Variants in RAD51B observed in about 807,000 individuals in gnomAD.
RAD51B encodes RAD51 paralog B.
Under a neutral mutation model 42.2 loss-of-function variants are expected in RAD51B, and 38 were observed. That is an observed-to-expected ratio of 0.90 (90% CI 0.70 to 1.18). The LOEUF (loss-of-function observed/expected upper bound fraction) is 1.18, where lower values mean the gene tolerates loss of function less well. RAD51B is among the 50% of genes most tolerant of loss of function. RAD51B has a pLI of 0.00. For missense variants in RAD51B, 373 were observed against 400.7 expected (o/e 0.93, Z 0.59); for synonymous variants, 154 against 145.2 (o/e 1.06, Z -0.43).
chr14:68,607,778 G>A lies in RAD51B; in HGVS notation c.1037-3228G>A, dbSNP rs548425612. 2.7e-4 allele frequency among the ~76,000 whole-genome samples: 41 copies of A among 152,230 alleles called. No individual in the cohort carries two copies. In the South Asian group the frequency reaches 8.3e-3, roughly 31 times the overall value. The stretch of plus-strand genomic sequence containing the variant: ...CCCGGGGAGGCGCACTCTAAGGAGG[G>A]CCAAAGCCATTCTGCGGGGTGCTGG... On this transcript the variant is annotated intron_variant, in intron 10 of 10. Transcript: ENST00000487861.
At chr14:68,549,865 G>A (rs532737779) in intron 10 of RAD51B, among the ~76,000 whole-genome samples, 171 of 152,306 alleles carry the variant, frequency 1.1e-3, no homozygotes, top group African/African-American at 3.9e-3. Context: ...CAGGAAACTT[G>A]CCATCTACAA....
At position 67,975,654 on chromosome 14, in the gene RAD51B, A is replaced by T. The variant is rs897969723; in HGVS notation, c.756+88450A>T. On this transcript the variant is annotated intron_variant, in intron 7 of 10. Coordinates refer to ENST00000471583, the MANE Select transcript of RAD51B (RefSeq NM_133510.4). ...AGAAAAAGGAAAGTGACGTACAGAA[A>T]ACAAAATAGAGGTACAGAAACAGCT... 1.3e-5 allele frequency among the ~76,000 whole-genome samples: 2 copies of T among 152,238 alleles called. 1 individual carries two copies. The highest frequency in any genetic ancestry group is 4.8e-5 in the African/African-American group (2 of 41,464).
At chr14:68,470,527 A>G in intron 10 of RAD51B, 1 of 492,998 alleles carries the variant, frequency 2.0e-6, no homozygotes, top group East Asian at 4.8e-5. Flanking sequence ...TGTCAGCTGG[A>G]AAATGAAAAC....
At chr14:68,176,257 A>G (rs773714095) in intron 7 of RAD51B, among the ~76,000 whole-genome samples, 10 of 152,306 alleles carry the variant, frequency 6.6e-5, no homozygotes, top group South Asian at 2.1e-4. Flanking sequence ...CTTTGTATGG[A>G]TGGGTGGCAA....
chr14:67,988,398 G>T (rs1224879227), intron 7 of RAD51B, among the ~76,000 whole-genome samples: 1 of 152,028 alleles, frequency 6.6e-6, no homozygotes, highest in African/African-American at 2.4e-5. Flanking sequence ...AGCGGAAGTT[G>T]CAATGAGCCA....
intron 10 of RAD51B, among the ~76,000 whole-genome samples, chr14:68,488,007 G>A (rs939438392): frequency 7.9e-5 from 12 of 152,096 alleles, no homozygotes; most frequent in Non-Finnish European, 1.6e-4. Flanking sequence ...AGAAATGCAA[G>A]TATGACTATG....
rs567405067 is a variant in RAD51B, at chr14:68,072,086, T to C, written c.756+184882T>C. 3.0e-3 allele frequency among the ~76,000 whole-genome samples: 391 copies of C among 131,586 alleles called. 32 individuals are homozygous for C. The highest frequency in any genetic ancestry group is 0.011 in the African/African-American group (374 of 32,738). The allele number at this position is 131,586 out of a possible 152,430, so 86.3% of individuals were successfully genotyped here. ...ATTTATATAAATATATAAATATATA[T>C]AAATATATAATATATAAAATATAAA... On this transcript the variant is annotated intron_variant, in intron 7 of 10. Coordinates refer to ENST00000471583, the MANE Select transcript of RAD51B (RefSeq NM_133510.4).
At chr14:68,301,407 G>A (rs368791173) in intron 8 of RAD51B, among the ~76,000 whole-genome samples, 77 of 152,208 alleles carry the variant, frequency 5.1e-4, no homozygotes, top group Middle Eastern at 3.4e-3. Context: ...TCGATAAGTG[G>A]CTGCCAGAGA....
intron 7 of RAD51B, among the ~76,000 whole-genome samples, chr14:68,052,427 A>T (rs1386241482): frequency 6.6e-6 from 1 of 151,884 alleles, no homozygotes; most frequent in Non-Finnish European, 1.5e-5. Context: ...AGAGCATTTA[A>T]CTAATTTGCC....
At chr14:68,049,222 G>A (rs934148953) in intron 7 of RAD51B, among the ~76,000 whole-genome samples, 2 of 152,006 alleles carry the variant, frequency 1.3e-5, no homozygotes, top group African/African-American at 2.4e-5. Flanking sequence ...TGGGGGGAGC[G>A]GGGAGGGATA....
intron 7 of RAD51B, among the ~76,000 whole-genome samples, chr14:68,089,188 C>T (rs1020940072): frequency 6.6e-6 from 1 of 152,136 alleles, no homozygotes; most frequent in African/African-American, 2.4e-5. Flanking sequence ...AAGTATCTAA[C>T]TGCTGTTTCC....
chr14:67,989,072 G>A (rs988853926), intron 7 of RAD51B, among the ~76,000 whole-genome samples: 4 of 152,164 alleles, frequency 2.6e-5, no homozygotes, highest in Non-Finnish European at 5.9e-5. Flanking sequence ...TTTAATAGAG[G>A]TAATAGAATT....
chr14:68,394,248 A>C (rs1183903985), intron 8 of RAD51B, among the ~76,000 whole-genome samples: 2 of 152,168 alleles, frequency 1.3e-5, no homozygotes, highest in African/African-American at 2.4e-5. Context: ...CACCTTCCCA[A>C]GTTCTCAGGC....
intron 7 of RAD51B, among the ~76,000 whole-genome samples, chr14:68,156,455 TTC>T (rs10650896): frequency 0.077 from 8,757 of 114,150 alleles, 400 homozygotes; most frequent in African/African-American, 0.15. Flanking sequence ...CTTAGAAAAT[TTC>T]TCTCTCTCTC....
At chr14:68,007,752 T>A (rs887422030) in intron 7 of RAD51B, among the ~76,000 whole-genome samples, 4 of 151,968 alleles carry the variant, frequency 2.6e-5, no homozygotes, top group African/African-American at 9.7e-5. Context: ...ATAGAGATAC[T>A]TATATTATGT....
chr14:67,879,562 C>T (rs2042840675), intron 5 of RAD51B, among the ~76,000 whole-genome samples: 1 of 152,066 alleles, frequency 6.6e-6, no homozygotes. Flanking sequence ...CCTGCCTCAG[C>T]CTCCTGAGTA....
At chr14:68,235,306 T>G (rs1452810316) in intron 7 of RAD51B, among the ~76,000 whole-genome samples, 1 of 151,858 alleles carries the variant, frequency 6.6e-6, no homozygotes. Context: ...GTTGACCACG[T>G]AGCACATAAC....
At chr14:68,553,369 C>T (rs527241250) in intron 10 of RAD51B, among the ~76,000 whole-genome samples, 9 of 152,314 alleles carry the variant, frequency 5.9e-5, no homozygotes, top group African/African-American at 2.2e-4. Flanking sequence ...ATGTTATTGG[C>T]TCTGGCCCTA....
intron 7 of RAD51B, among the ~76,000 whole-genome samples, chr14:67,964,107 A>C (rs1350109809): frequency 6.6e-6 from 1 of 151,994 alleles, no homozygotes; most frequent in Non-Finnish European, 1.5e-5. Flanking sequence ...TTATACAATG[A>C]TGGGCAAACA....
Sources: gnomAD v4.1 joint callset for allele counts (sites outside exome capture counted in the v4.1 genomes callset) on GRCh38, gnomAD v4.1.1 for gene constraint, MANE v1.5 for transcripts, NCBI Gene and HGNC (gene_info 2026-07-23, HGNC 2026-07-21) for gene names.